Variants in PDCD11 observed in about 807,000 individuals in gnomAD.
PDCD11 encodes programmed cell death 11, also known as protein RRP5 homolog.
In PDCD11, 97 loss-of-function variants were observed where a neutral mutation model predicts 198.9. The ratio of observed to expected loss-of-function variants is 0.49; its 90% CI spans 0.41 to 0.58. The LOEUF is 0.58. Among genes scored for constraint, PDCD11 ranks in the 20% least tolerant of loss-of-function variants. The pLI is 0.00. For missense variants in PDCD11, 2,102 were observed against 2,312.7 expected (o/e 0.91, Z 1.87); for synonymous variants, 893 against 918.0 (o/e 0.97, Z 0.49).
At chr10:103,404,692 T>C (rs1355366655) in intron 4 of PDCD11, among the ~76,000 whole-genome samples, 2 of 152,122 alleles carry the variant, frequency 1.3e-5, no homozygotes, top group East Asian at 3.8e-4. Flanking sequence ...CTATGGGAGA[T>C]AGAGTGGTGG....
intron 22 of PDCD11, among the ~76,000 whole-genome samples, chr10:103,432,450 A>G (rs2031976554): frequency 6.6e-6 from 1 of 152,254 alleles, no homozygotes; most frequent in African/African-American, 2.4e-5. Context: ...AGCAGCTCGT[A>G]ATTCATTGTT....
chr10:103,423,279 T>C (rs2031543203), intron 18 of PDCD11, 142 bp downstream of exon 18: 1 of 807,332 alleles, frequency 1.2e-6, no homozygotes, highest in Non-Finnish European at 1.9e-6. Context: ...CTTGTGTGAA[T>C]GCAAAGGCTT....
chr10:103,432,125 A>G lies in PDCD11; in HGVS notation c.3369-4A>G. On this transcript the variant is annotated splice_polypyrimidine_tract_variant and splice_region_variant and intron_variant, in intron 21 of 35. Transcript: ENST00000369797. ...TACTGTTTACATTTCCTTTCTGCAA[A>G]CAGTGAGCTGGAGGATGGCCACACT... is the stretch of plus-strand genomic sequence containing the variant. The G allele has an allele frequency of 6.2e-7, 1 of 1,608,480 alleles. No homozygotes were observed. The highest frequency in any genetic ancestry group is 8.5e-7 in the Non-Finnish European group (1 of 1,174,882).
intron 35 of PDCD11, 45 bp downstream of exon 35, chr10:103,444,727 G>A (rs371132054): frequency 7.3e-5 from 116 of 1,580,280 alleles, no homozygotes; most frequent in Middle Eastern, 4.3e-4. Context: ...AGGAGAGGGC[G>A]TGGTAGGCAC....
Position 103,416,606 on chromosome 10 carries a change from C to CT in PDCD11, c.1634_1635insT (p.His546ThrfsTer28). ...GCCGATGCCAAGCCTGGTCTGCAGA[C>CT]ACATGGCTTCATCATCAGGGTCAAG... On this transcript the variant is annotated frameshift_variant, in exon 13 of 36. Transcript: ENST00000369797. LOFTEE classifies it high-confidence loss of function. 1.2e-6 allele frequency: 2 copies of CT among 1,614,210 alleles called. No homozygotes were observed. The highest frequency in any genetic ancestry group is 1.7e-6 in the Non-Finnish European group (2 of 1,180,034).
chr10:103,440,566 G>C lies in PDCD11; in HGVS notation c.4425G>C (p.Glu1475Asp), dbSNP rs1456334079. The C allele has an allele frequency of 6.2e-7, 1 of 1,611,438 alleles. No homozygotes were observed. Among genetic ancestry groups the C allele is most frequent in the Non-Finnish European group, 8.5e-7 (1 of 1,179,656 alleles). Residue 1475 changes from glutamate (E) to aspartate (D), a missense_variant, in exon 29 of 36, where the codon GAG becomes GAC. Physicochemically the swap from Glu to Asp is conservative, Grantham distance 45. Transcript: ENST00000369797. ...AQKRGGRECR[E>D]SGSEQERVSK... ...AGCGGGGCGGGCGGGAGTGCCGGGA[G>C]TCTGGGAGTGAGCAGGTGAGGTCCT... is the stretch of plus-strand genomic sequence containing the variant.
intron 9 of PDCD11, 87 bp from the exon 10 acceptor site, chr10:103,413,879 G>A (rs906128630): frequency 1.6e-6 from 2 of 1,275,178 alleles, no homozygotes; most frequent in East Asian, 4.7e-5. Context: ...TACATGATAA[G>A]TGTTGAGTCC....
rs781762069 is a variant in PDCD11 at position 103,440,804 on chromosome 10, A to T, written c.4511A>T (p.Tyr1504Phe). 6.2e-7 allele frequency: 1 copy of T among 1,613,914 alleles called. No homozygotes were observed. The highest frequency in any genetic ancestry group is 2.2e-5 in the East Asian group (1 of 44,894). ...EEDDSLVDVY[Y>F]REGKEEAEET... ...GACGACAGCCTTGTGGACGTGTACT[A>T]TCGGGAGGGAAAAGAGGAGGCAGAA... Residue 1504 changes from tyrosine to phenylalanine, a missense_variant, in exon 30 of 36, where the codon TAT becomes TTT. Physicochemically the swap from Tyr to Phe is conservative, Grantham distance 22 (BLOSUM62 3). Coordinates refer to ENST00000369797, the MANE Select transcript of PDCD11 (RefSeq NM_014976.2).
chr10:103,401,708 T>G (rs887735680), intron 3 of PDCD11, among the ~76,000 whole-genome samples: 1 of 152,250 alleles, frequency 6.6e-6, no homozygotes, highest in Non-Finnish European at 1.5e-5. Flanking sequence ...TTAAAAAAAT[T>G]GTTAGACTTG....
chr10:103,422,452 C>T (rs1054845001), intron 17 of PDCD11, among the ~76,000 whole-genome samples: 1 of 150,990 alleles, frequency 6.6e-6, no homozygotes, highest in African/African-American at 2.4e-5. Context: ...AAGGTCATTA[C>T]GAGCATCCTA....
At chr10:103,428,319 A>AAC (rs1554879463) in intron 21 of PDCD11, among the ~76,000 whole-genome samples, 2 of 151,688 alleles carry the variant, frequency 1.3e-5, no homozygotes, top group South Asian at 2.1e-4. Context: ...GAAAAAAAAA[A>AAC]AACACAAAGT....
intron 27 of PDCD11, among the ~76,000 whole-genome samples, chr10:103,439,054 G>T (rs1444487511): frequency 1.3e-5 from 2 of 152,130 alleles, no homozygotes; most frequent in Non-Finnish European, 2.9e-5. Context: ...AGTAAGTCTG[G>T]GGCCGGGCGT....
chr10:103,440,956 C>A, intron 30 of PDCD11, 106 bp downstream of exon 30: 2 of 773,040 alleles, frequency 2.6e-6, no homozygotes, highest in Non-Finnish European at 4.1e-6. Flanking sequence ...AATACGAAAG[C>A]AGGGGCTGTC....
In PDCD11 at chr10:103,418,611, C is replaced by G; in HGVS notation, c.2083C>G (p.Leu695Val). The G allele has an allele frequency of 6.2e-7, 1 of 1,614,082 alleles. No homozygotes were observed. The highest frequency in any genetic ancestry group is 1.1e-5 in the South Asian group (1 of 91,070). ...TGACATCCTTCACCGAGTCCTGTGT[C>G]TGAGCCAGAGCGAGGGGCGTGTTGT... ...AGDILHRVLC[L>V]SQSEGRVLLC... Residue 695 changes from leucine (L) to valine (V), a missense_variant, in exon 15 of 36, where the codon CTG becomes GTG. Coordinates refer to ENST00000369797, the MANE Select transcript of PDCD11 (RefSeq NM_014976.2).
At chr10:103,441,501 C>T (rs59787156) in intron 30 of PDCD11, among the ~76,000 whole-genome samples, 1,525 of 152,266 alleles carry the variant, frequency 0.01, 23 homozygotes, top group African/African-American at 0.034. Context: ...ATGATCGGCC[C>T]GCCTCAGCTT....
chr10:103,410,452 G>A (rs914480666), intron 8 of PDCD11, among the ~76,000 whole-genome samples: 3 of 151,786 alleles, frequency 2.0e-5, no homozygotes, highest in South Asian at 2.1e-4. Flanking sequence ...AATAAGATAC[G>A]TTTAAACAGC....
At chr10:103,438,885 T>C in intron 27 of PDCD11, 77 bp downstream of exon 27, 1 of 1,478,086 alleles carries the variant, frequency 6.8e-7, no homozygotes, top group Non-Finnish European at 9.3e-7. Flanking sequence ...ACTGTGTTCC[T>C]CGGTCAACTT....
intron 4 of PDCD11, among the ~76,000 whole-genome samples, chr10:103,403,746 T>C (rs1375280188): frequency 6.6e-6 from 1 of 150,672 alleles, no homozygotes; most frequent in Non-Finnish European, 1.5e-5. Context: ...GAGAAGTTGC[T>C]TAGAGACAAG....
rs568858579 is a variant in PDCD11 at position 103,398,273 on chromosome 10, C to T, written c.-11-143C>T. ...AGATGAAGTATGGATTATTCCGGGC[C>T]TGACATCTAAACCATCTATGTTGTA... On this transcript the variant is annotated intron_variant, in intron 1 of 35. Transcript: ENST00000369797. 4.6e-5 allele frequency: 28 copies of T among 602,590 alleles called. No individual in the cohort carries two copies. The East Asian group carries it at 7.5e-4, about 16-fold the overall frequency. The allele number at this position is 602,590 out of a possible 1,614,324, so 37.3% of individuals were successfully genotyped here. A position where few individuals can be genotyped will look rare whatever the true frequency, so the allele number is the denominator to read the frequency against.
Sources: gnomAD v4.1 joint callset for allele counts (sites outside exome capture counted in the v4.1 genomes callset) on GRCh38, gnomAD v4.1.1 for gene constraint, MANE v1.5 for transcripts, NCBI Gene and HGNC (gene_info 2026-07-23, HGNC 2026-07-21) for gene names.